The following GRIN2B variants were observed in gnomAD, a reference collection of about 807,000 sequenced individuals.
The protein encoded by GRIN2B is glutamate receptor ionotropic, NMDA 2B.
GRIN2B carries 5 observed loss-of-function variants against 114.5 expected under a neutral mutation model. That is an observed-to-expected ratio of 0.04 (90% confidence interval 0.02 to 0.09). The LOEUF (loss-of-function observed/expected upper bound fraction) is 0.09. Ranked by LOEUF, GRIN2B falls within the 10% of genes least tolerant of loss-of-function variation. The pLI is 1.00. For synonymous variants in GRIN2B, 787 were observed against 745.1 expected (o/e 1.06, Z -0.92); for missense variants, 1,108 against 1,943.5 (o/e 0.57, Z 8.08).
chr12:13,663,824 A>G (rs557170492), intron 5 of GRIN2B, among the ~76,000 whole-genome samples: 2 of 152,322 alleles, frequency 1.3e-5, no homozygotes, highest in East Asian at 1.9e-4. Context: ...CCTGTTTTCT[A>G]GAATCTAATT....
intron 3 of GRIN2B, among the ~76,000 whole-genome samples, chr12:13,810,905 CT>C (rs1341993025): frequency 1.3e-5 from 2 of 152,216 alleles, no homozygotes; most frequent in African/African-American, 4.8e-5. Flanking sequence ...TCCAATACCC[CT>C]AATACATCTC....
At chr12:13,876,927 C>T (rs1865999131) in intron 2 of GRIN2B, among the ~76,000 whole-genome samples, 2 of 152,200 alleles carry the variant, frequency 1.3e-5, no homozygotes, top group African/African-American at 4.8e-5. Context: ...AGTTGCAACT[C>T]TCTAACTCCA....
Position 13,774,188 on chromosome 12 carries a change from T to A in GRIN2B, c.412-20273A>T, listed in dbSNP as rs1276895150. Among the ~76,000 whole-genome samples the A allele has an allele frequency of 2.0e-5, 3 of 152,240 alleles. No homozygotes were observed. In the East Asian group the frequency reaches 5.8e-4, roughly 29 times the overall value. On this transcript the variant is annotated intron_variant, in intron 3 of 13. Coordinates refer to ENST00000609686, the MANE Select transcript of GRIN2B (RefSeq NM_000834.5). ...TAGTAGTAAATTTTAAAATAAGGGA[T>A]GTGATTTCTCTTTATACCCCAGCTG...
At chr12:13,686,148 A>T (rs889737696) in intron 4 of GRIN2B, among the ~76,000 whole-genome samples, 1 of 152,202 alleles carries the variant, frequency 6.6e-6, no homozygotes, top group African/African-American at 2.4e-5. Context: ...AACGCAGTAC[A>T]TTATGGCACT....
Position 13,572,035 on chromosome 12 carries a change from A to G in GRIN2B, c.2011-71T>C, listed in dbSNP as rs541374064. 9 of 1,264,354 alleles carry G rather than the reference A, an allele frequency of 7.1e-6. No individual in the cohort carries two copies. In the South Asian group the frequency reaches 8.8e-5, roughly 12 times the overall value. 78.3% of individuals were successfully genotyped at this position (1,264,354 alleles called of 1,614,324 possible). A position where few individuals can be genotyped will look rare whatever the true frequency, so the allele number is the denominator to read the frequency against. On this transcript the variant is annotated intron_variant, in intron 10 of 13. Coordinates refer to ENST00000609686, the MANE Select transcript of GRIN2B (RefSeq NM_000834.5). Reference sequence around the variant, plus strand: ...GAGAGAGAGAGAAAAGTCATTTTAGAAAATGTGAAGAGACATTAAGTAAGT... The same window carrying G: ...GAGAGAGAGAGAAAAGTCATTTTAGGAAATGTGAAGAGACATTAAGTAAGT...
chr12:13,571,418 C>G (rs1392875754), intron 11 of GRIN2B, among the ~76,000 whole-genome samples: 1 of 152,186 alleles, frequency 6.6e-6, no homozygotes, highest in Non-Finnish European at 1.5e-5. Flanking sequence ...ACACTTTCCC[C>G]CTTTTATTTC....
intron 3 of GRIN2B, among the ~76,000 whole-genome samples, chr12:13,809,151 C>A (rs1864678870): frequency 6.6e-6 from 1 of 152,196 alleles, no homozygotes; most frequent in African/African-American, 2.4e-5. Flanking sequence ...CCCACCCCAA[C>A]TTGCCAAATG....
In GRIN2B at chr12:13,558,900, C is replaced by T. The variant is rs1386769343; in HGVS notation, c.*3883G>A. The T allele has an allele frequency of 1.3e-5, 2 of 152,118 alleles. No homozygotes were observed. The highest frequency in any genetic ancestry group is 2.9e-5 in the Non-Finnish European group (2 of 68,046). The allele number at this position is 152,118 out of a possible 1,614,324, so 9.4% of individuals were successfully genotyped here. A position where few individuals can be genotyped will look rare whatever the true frequency, so the allele number is the denominator to read the frequency against. ...GTCAGTGGAAATGCTGAGATTTAAG[C>T]ATTGCCACTGAAAGGAGTTCATACA... On this transcript the variant is annotated 3_prime_UTR_variant, in exon 14 of 14. Transcript: ENST00000609686.
chr12:13,665,275 T>G (rs1448808850), intron 5 of GRIN2B, among the ~76,000 whole-genome samples: 1 of 152,122 alleles, frequency 6.6e-6, no homozygotes, highest in South Asian at 2.1e-4. Context: ...TTCCTTCCTT[T>G]CTTCCTTCTA....
At chr12:13,821,989 A>G (rs1278334380) in intron 3 of GRIN2B, among the ~76,000 whole-genome samples, 1 of 152,174 alleles carries the variant, frequency 6.6e-6, no homozygotes, top group Non-Finnish European at 1.5e-5. Context: ...AATATGTCCT[A>G]ATTCTAATAT....
At chr12:13,696,848 T>C (rs932832503) in intron 4 of GRIN2B, among the ~76,000 whole-genome samples, 4 of 152,154 alleles carry the variant, frequency 2.6e-5, no homozygotes, top group East Asian at 3.9e-4. Flanking sequence ...CCAAAACTTA[T>C]TGTAGGCAAA....
chr12:13,977,746 C>T (rs1472688060), intron 2 of GRIN2B, among the ~76,000 whole-genome samples: 1 of 152,188 alleles, frequency 6.6e-6, no homozygotes, highest in South Asian at 2.1e-4. Context: ...AGACTGCCTG[C>T]GAGGATGGGG....
intron 4 of GRIN2B, among the ~76,000 whole-genome samples, chr12:13,705,110 AT>A (rs2136573103): frequency 6.6e-6 from 1 of 152,142 alleles, no homozygotes; most frequent in African/African-American, 2.4e-5. Flanking sequence ...GTGCATACTC[AT>A]TTTCATATAT....
chr12:13,965,778 GTAAAGA>G lies in GRIN2B; in HGVS notation c.-19+14144_-19+14149del, dbSNP rs779516929. On this transcript the variant is annotated intron_variant, in intron 2 of 13. Transcript: ENST00000609686. ...TGCTTTATTGTGGAAATTTTGGAAA[GTAAAGA>G]TAGAGAGGTAAAATGGTAATAATTG... 1.7e-4 allele frequency among the ~76,000 whole-genome samples: 26 copies of G among 152,244 alleles called. No homozygotes were observed. In the South Asian group the frequency reaches 3.3e-3, roughly 19 times the overall value.
chr12:13,945,608 G>C (rs774631817), intron 2 of GRIN2B, among the ~76,000 whole-genome samples: 3 of 152,128 alleles, frequency 2.0e-5, no homozygotes, highest in South Asian at 2.1e-4. Context: ...GAGCACAGTG[G>C]GCAGCACCAG....
chr12:13,782,968 C>A (rs890033110), intron 3 of GRIN2B, among the ~76,000 whole-genome samples: 1 of 152,214 alleles, frequency 6.6e-6, no homozygotes, highest in African/African-American at 2.4e-5. Flanking sequence ...AGCTCTTCCA[C>A]ATTTAGAGGA....
At chr12:13,962,089 T>TACATACACACACACAC (rs375862677) in intron 2 of GRIN2B, among the ~76,000 whole-genome samples, 5 of 145,344 alleles carry the variant, frequency 3.4e-5, no homozygotes, top group Middle Eastern at 3.5e-3. Flanking sequence ...CTCTCATACA[T>TACATACACACACACAC]ACACACACAC....
At chr12:13,774,722 A>G (rs909132792) in intron 3 of GRIN2B, among the ~76,000 whole-genome samples, 5 of 152,208 alleles carry the variant, frequency 3.3e-5, no homozygotes, top group Non-Finnish European at 7.3e-5. Context: ...TTTTAAACGC[A>G]TAACATGCGT....
chr12:13,580,637 A>T (rs1314906744), intron 10 of GRIN2B, among the ~76,000 whole-genome samples: 2 of 152,198 alleles, frequency 1.3e-5, no homozygotes, highest in African/African-American at 2.4e-5. Context: ...TTCTGAAGAC[A>T]CCACATTTTT....
Sources: allele counts gnomAD v4.1 joint callset (sites outside exome capture counted in the v4.1 genomes callset), GRCh38; gene constraint gnomAD v4.1.1; transcripts MANE v1.5; gene names NCBI Gene and HGNC (gene_info 2026-07-23, HGNC 2026-07-21).